Variants in MEIKIN observed in about 807,000 individuals in gnomAD.
MEIKIN encodes the protein meiotic kinetochore factor.
rs1397624230 is a variant in MEIKIN at position 131,942,713 on chromosome 5, T to G, written c.289-18A>C. 2.5e-6 allele frequency: 1 copy of G among 398,020 alleles called. No homozygotes were observed. Among genetic ancestry groups the G allele is most frequent in the African/African-American group, 2.1e-5 (1 of 48,608 alleles). 24.7% of individuals were successfully genotyped at this position (398,020 alleles called of 1,614,324 possible). A position where few individuals can be genotyped will look rare whatever the true frequency, so the allele number is the denominator to read the frequency against. ...ACTGATTCCTAAGTGAAATAAGAAT[T>G]AAAGCTATAGCAAAATTATGAGATT... On this transcript the variant is annotated intron_variant, in intron 3 of 12. Transcript: ENST00000442687.
intron 6 of MEIKIN, among the ~76,000 whole-genome samples, chr5:131,921,418 G>A (rs1423540102): frequency 6.6e-6 from 1 of 151,954 alleles, no homozygotes; most frequent in African/African-American, 2.4e-5. Flanking sequence ...AGCACTTTGG[G>A]AAGCCAAGGC....
chr5:131,838,710 A>G (rs1187882922), intron 11 of MEIKIN, among the ~76,000 whole-genome samples: 1 of 151,502 alleles, frequency 6.6e-6, no homozygotes, highest in Non-Finnish European at 1.5e-5. Context: ...CCCTTTTGTC[A>G]CTTCCAATTG....
intron 8 of MEIKIN, among the ~76,000 whole-genome samples, chr5:131,899,004 G>C (rs1751104427): frequency 6.6e-6 from 1 of 152,184 alleles, no homozygotes; most frequent in Non-Finnish European, 1.5e-5. Context: ...CCCATCTTCT[G>C]TGTCGATCAC....
intron 11 of MEIKIN, among the ~76,000 whole-genome samples, chr5:131,846,063 G>A (rs1315126110): frequency 6.6e-6 from 1 of 152,170 alleles, no homozygotes; most frequent in African/African-American, 2.4e-5. Context: ...ATCTTTATAA[G>A]ATAATCAACA....
chr5:131,934,740 G>A (rs925979491), intron 4 of MEIKIN, among the ~76,000 whole-genome samples: 4 of 152,168 alleles, frequency 2.6e-5, no homozygotes, highest in Middle Eastern at 3.4e-3. Context: ...AATTTAAAAC[G>A]TCCCTTCAAA....
intron 11 of MEIKIN, among the ~76,000 whole-genome samples, chr5:131,850,545 T>C (rs2149614790): frequency 6.6e-6 from 1 of 152,280 alleles, no homozygotes; most frequent in Middle Eastern, 3.4e-3. Flanking sequence ...AAATGATTTT[T>C]GGCAAGGGGG....
At chr5:131,874,121 A>T (rs1750561838) in intron 9 of MEIKIN, among the ~76,000 whole-genome samples, 1 of 152,252 alleles carries the variant, frequency 6.6e-6, no homozygotes, top group South Asian at 2.1e-4. Context: ...AAAAGCTAGC[A>T]GAAGGCAAGA....
At chr5:131,861,218 GT>G (rs1750280396) in intron 9 of MEIKIN, among the ~76,000 whole-genome samples, 1 of 151,690 alleles carries the variant, frequency 6.6e-6, no homozygotes, top group Non-Finnish European at 1.5e-5. Flanking sequence ...GTGAAACCCT[GT>G]TTCTACTAAA....
At chr5:131,921,565 G>A (rs1320336626) in intron 6 of MEIKIN, among the ~76,000 whole-genome samples, 1 of 151,530 alleles carries the variant, frequency 6.6e-6, no homozygotes, top group East Asian at 2.0e-4. Flanking sequence ...GCTGAGGCAG[G>A]AGAACTGCTT....
At chr5:131,835,192 G>GTGTGTATATATATA (rs1235109106) in intron 11 of MEIKIN, among the ~76,000 whole-genome samples, 6 of 123,726 alleles carry the variant, frequency 4.8e-5, no homozygotes, top group African/African-American at 2.9e-4. Context: ...ATATATATGT[G>GTGTGTATATATATA]TGTGTGTATA....
chr5:131,863,405 C>T (rs191690006), intron 9 of MEIKIN, among the ~76,000 whole-genome samples: 1 of 152,060 alleles, frequency 6.6e-6, no homozygotes, highest in East Asian at 1.9e-4. Flanking sequence ...TGAAGTCTCC[C>T]CCATTACTAT....
chr5:131,851,842 CA>C (rs1264610910), intron 10 of MEIKIN, among the ~76,000 whole-genome samples: 1 of 152,102 alleles, frequency 6.6e-6, no homozygotes, highest in African/African-American at 2.4e-5. Flanking sequence ...AGGTTATATG[CA>C]AAAAACCAAC....
chr5:131,826,405 AC>A (rs1436313017), intron 11 of MEIKIN, among the ~76,000 whole-genome samples: 64 of 152,296 alleles, frequency 4.2e-4, no homozygotes, highest in Admixed American at 2.0e-3. Flanking sequence ...ATACTGTAAA[AC>A]AAAAATATGT....
rs537718093 is a variant in MEIKIN, at chr5:131,860,095, A to G, written c.775-5261T>C. On this transcript the variant is annotated intron_variant, in intron 9 of 12. Coordinates refer to ENST00000442687, the MANE Select transcript of MEIKIN (RefSeq NM_001303622.2). Reference sequence around the variant, plus strand: ...TTTTTCTAGTTCTGTGAAAAACTACATTGATATGTAGTTAGAGATTGCACT... The same window carrying G: ...TTTTTCTAGTTCTGTGAAAAACTACGTTGATATGTAGTTAGAGATTGCACT... 2.6e-5 allele frequency among the ~76,000 whole-genome samples: 4 copies of G among 152,274 alleles called. No homozygotes were observed. In the East Asian group the frequency reaches 7.7e-4, roughly 29 times the overall value.
intron 3 of MEIKIN, among the ~76,000 whole-genome samples, chr5:131,944,104 C>CT (rs1244486713): frequency 2.8e-5 from 4 of 143,434 alleles, no homozygotes; most frequent in South Asian, 4.5e-4. Context: ...GAGCAAGACT[C>CT]TGTCTCCAAA....
intron 5 of MEIKIN, among the ~76,000 whole-genome samples, chr5:131,923,326 G>A (rs1751537630): frequency 6.6e-6 from 1 of 151,982 alleles, no homozygotes; most frequent in Non-Finnish European, 1.5e-5. Flanking sequence ...GGCACACTAT[G>A]GTCCTTTTAA....
chr5:131,944,572 A>C lies in MEIKIN; in HGVS notation c.288+93T>G, dbSNP rs1751929430. On this transcript the variant is annotated intron_variant, in intron 3 of 12. Coordinates refer to ENST00000442687, the MANE Select transcript of MEIKIN (RefSeq NM_001303622.2). The stretch of plus-strand genomic sequence containing the variant: ...GTGAGCTATGTAACATCTACAGAAC[A>C]AAGCCCATTTTATTCTTTCATCCGG... 7.5e-6 allele frequency: 3 copies of C among 397,932 alleles called. No individual in the cohort carries two copies. In the South Asian group the frequency reaches 3.9e-4, roughly 52 times the overall value. The allele number at this position is 397,932 out of a possible 1,614,324, so 24.7% of individuals were successfully genotyped here.
At chr5:131,859,531 G>A (rs1056035586) in intron 9 of MEIKIN, among the ~76,000 whole-genome samples, 3 of 152,040 alleles carry the variant, frequency 2.0e-5, no homozygotes, top group African/African-American at 7.3e-5. Context: ...TTTCTCTTTT[G>A]TTCCTGCTTT....
intron 8 of MEIKIN, among the ~76,000 whole-genome samples, chr5:131,894,853 G>T (rs1191164762): frequency 1.3e-5 from 2 of 152,080 alleles, no homozygotes; most frequent in Non-Finnish European, 1.5e-5. Flanking sequence ...AAACAGGGAC[G>T]ATTTTACTTC....
Sources: allele counts gnomAD v4.1 joint callset (sites outside exome capture counted in the v4.1 genomes callset), GRCh38; gene constraint gnomAD v4.1.1; transcripts MANE v1.5; gene names NCBI Gene and HGNC (gene_info 2026-07-23, HGNC 2026-07-21).